The following AMPH variants were observed in gnomAD, a reference collection of about 807,000 sequenced individuals.
The protein encoded by AMPH is amphiphysin (Stiff-Mann syndrome with breast cancer 128kD autoantigen).
Under a neutral mutation model 99.1 loss-of-function variants are expected in AMPH, and 49 were observed. That is an observed-to-expected ratio of 0.49 (90% CI 0.39 to 0.63). AMPH has a LOEUF of 0.63. Among genes scored for constraint, AMPH ranks in the 20% least tolerant of loss-of-function variants. The pLI, the probability that AMPH is intolerant of heterozygous loss-of-function variation, is 0.00. For synonymous variants in AMPH, 314 were observed against 317.3 expected, an observed-to-expected ratio of 0.99 and a Z score of 0.11; for missense variants, 759 against 863.4, an observed-to-expected ratio of 0.88 and a Z score of 1.52.
chr7:38,469,153 C>CAAAAAA (rs869172352), intron 7 of AMPH, among the ~76,000 whole-genome samples: 2 of 28,880 alleles, frequency 6.9e-5, no homozygotes, highest in African/African-American at 4.7e-4. Context: ...GACTCCGCCT[C>CAAAAAA]AAAAAAAAAA....
chr7:38,539,707 A>T (rs930022983), intron 1 of AMPH, among the ~76,000 whole-genome samples: 4 of 152,184 alleles, frequency 2.6e-5, no homozygotes, highest in Admixed American at 6.5e-5. Flanking sequence ...AGGAGAGGGG[A>T]GTGATTCAGA....
chr7:38,391,932 G>C lies in AMPH; in HGVS notation c.1694C>G (p.Pro565Arg). 6.2e-7 allele frequency: 1 copy of C among 1,612,606 alleles called. No homozygotes were observed. Among genetic ancestry groups the C allele is most frequent in the African/African-American group, 1.3e-5 (1 of 74,978 alleles). Residue 565 changes from proline (P) to arginine (R), a missense_variant, in exon 19 of 21, where the codon CCC (proline) becomes CGC (arginine). Around this residue, in one of 2 missense-constraint regions of AMPH, gnomAD observed 554 missense variants for 575.6 expected, o/e 0.96. Transcript: ENST00000356264. Reference protein sequence around the residue: ...GENEITIGAEPKETTEDAAPP... With the variant: ...GENEITIGAERKETTEDAAPP... ...AGCCGCGTCCTCGGTGGTCTCCTTGGGCTCTGCACCTATAGTTATTTCGTT... is the reference window on the plus strand; with the variant it reads ...AGCCGCGTCCTCGGTGGTCTCCTTGCGCTCTGCACCTATAGTTATTTCGTT...
At chr7:38,416,529 C>T (rs2128986658) in intron 17 of AMPH, among the ~76,000 whole-genome samples, 1 of 152,256 alleles carries the variant, frequency 6.6e-6, no homozygotes, top group African/African-American at 2.4e-5. Context: ...AACAATTTCC[C>T]TCAAAACCTA....
intron 5 of AMPH, among the ~76,000 whole-genome samples, chr7:38,484,063 G>A (rs1429910016): frequency 6.6e-6 from 1 of 152,002 alleles, no homozygotes; most frequent in African/African-American, 2.4e-5. Flanking sequence ...GAATCATTTG[G>A]TCAGAGGAAC....
intron 16 of AMPH, 24 bp downstream of exon 16, chr7:38,422,396 AG>A: frequency 1.9e-6 from 3 of 1,600,570 alleles, no homozygotes; most frequent in Non-Finnish European, 2.6e-6. Flanking sequence ...CAACTTCCTG[AG>A]AGCACAAACC....
intron 11 of AMPH, among the ~76,000 whole-genome samples, chr7:38,458,231 T>A (rs1353816757): frequency 1.3e-5 from 2 of 151,928 alleles, no homozygotes; most frequent in African/African-American, 4.8e-5. Flanking sequence ...AAAATAAAAA[T>A]AAAGAAGTCT....
At chr7:38,458,538 A>G (rs1034687606) in intron 11 of AMPH, among the ~76,000 whole-genome samples, 1 of 152,238 alleles carries the variant, frequency 6.6e-6, no homozygotes, top group African/African-American at 2.4e-5. Flanking sequence ...TATATCAGGG[A>G]TCTAAGGATA....
At chr7:38,538,801 G>A (rs1790706326) in intron 1 of AMPH, among the ~76,000 whole-genome samples, 1 of 152,162 alleles carries the variant, frequency 6.6e-6, no homozygotes, top group East Asian at 1.9e-4. Context: ...GATTTCTTTG[G>A]GGGAGACTGA....
intron 1 of AMPH, among the ~76,000 whole-genome samples, chr7:38,535,445 C>T (rs1425082148): frequency 6.6e-6 from 1 of 152,148 alleles, no homozygotes; most frequent in Non-Finnish European, 1.5e-5. Flanking sequence ...TTCAGTGGTC[C>T]CCAAACTTTT....
intron 1 of AMPH, among the ~76,000 whole-genome samples, chr7:38,593,128 A>G (rs1300417466): frequency 6.6e-6 from 1 of 152,242 alleles, no homozygotes; most frequent in Non-Finnish European, 1.5e-5. Context: ...CACACAGTAG[A>G]GGCATAATAA....
chr7:38,441,863 ATATAT>A, intron 11 of AMPH, among the ~76,000 whole-genome samples: 6 of 125,402 alleles, frequency 4.8e-5, no homozygotes, highest in African/African-American at 2.2e-4. Flanking sequence ...TATATATCAT[ATATAT>A]CATATATATA....
chr7:38,389,104 AG>A (rs746336272), intron 20 of AMPH, among the ~76,000 whole-genome samples: 13 of 152,212 alleles, frequency 8.5e-5, no homozygotes, highest in Non-Finnish European at 1.3e-4. Flanking sequence ...TTATTTTTTA[AG>A]GGGAGAGCTC....
Position 38,576,955 on chromosome 7 carries a change from A to G in AMPH, c.70-41944T>C, listed in dbSNP as rs150163399. Among the ~76,000 whole-genome samples, 24 of 152,268 alleles carry G rather than the reference A, an allele frequency of 1.6e-4. No homozygotes were observed. The East Asian group carries it at 4.6e-3, about 29-fold the overall frequency. On this transcript the variant is annotated intron_variant, in intron 1 of 20. Coordinates refer to ENST00000356264, the MANE Select transcript of AMPH (RefSeq NM_001635.4). ...TCCGAGAAACCAAATGAAATAATAC[A>G]TCTAGGGCTCATGATATGCTTTTGA...
intron 1 of AMPH, among the ~76,000 whole-genome samples, chr7:38,592,243 T>G (rs1467718553): frequency 6.6e-6 from 1 of 152,180 alleles, no homozygotes; most frequent in Non-Finnish European, 1.5e-5. Flanking sequence ...AGCGTGGGCG[T>G]CATGGCCATC....
chr7:38,576,820 G>A (rs917432939), intron 1 of AMPH, among the ~76,000 whole-genome samples: 3 of 152,028 alleles, frequency 2.0e-5, no homozygotes, highest in African/African-American at 4.8e-5. Flanking sequence ...GTCAGAATCC[G>A]GACCCTGCTA....
At chr7:38,453,921 A>T (rs988008837) in intron 11 of AMPH, among the ~76,000 whole-genome samples, 1 of 152,250 alleles carries the variant, frequency 6.6e-6, no homozygotes, top group African/African-American at 2.4e-5. Flanking sequence ...GCAAATGCAA[A>T]GGGACTGTAC....
intron 12 of AMPH, among the ~76,000 whole-genome samples, chr7:38,434,593 G>T (rs13309204): frequency 0.03 from 4,510 of 152,170 alleles, 96 homozygotes; most frequent in South Asian, 0.099. Flanking sequence ...CAAAAAATTA[G>T]CCAGTCGTGG....
chr7:38,525,595 A>G (rs181836008), intron 2 of AMPH, among the ~76,000 whole-genome samples: 1 of 152,070 alleles, frequency 6.6e-6, no homozygotes, highest in East Asian at 1.9e-4. Flanking sequence ...TTATAACCAC[A>G]TCGACCCCAA....
At chr7:38,420,977 A>C (rs762044700) in intron 16 of AMPH, 1 of 456,678 alleles carries the variant, frequency 2.2e-6, no homozygotes, top group South Asian at 1.5e-5. Flanking sequence ...GATCGTGTAC[A>C]ATCACGACTC....
Sources: gnomAD v4.1 joint callset for allele counts (sites outside exome capture counted in the v4.1 genomes callset) on GRCh38, gnomAD v4.1.1 for gene constraint, gnomAD v4.1.1 regional missense constraint, MANE v1.5 for transcripts, NCBI Gene and HGNC (gene_info 2026-07-23, HGNC 2026-07-21) for gene names.